ZNF420: variants seen among roughly 807,000 people sequenced by gnomAD.
The protein encoded by ZNF420 is zinc finger protein 420.
Under a neutral mutation model 44.7 loss-of-function variants are expected in ZNF420, and 31 were observed. The ratio of observed to expected loss-of-function variants is 0.69; its 90% CI spans 0.52 to 0.94. The LOEUF (loss-of-function observed/expected upper bound fraction) is 0.94, where lower values mean the gene tolerates loss of function less well. Ranked by LOEUF, ZNF420 falls within the 40% of genes least tolerant of loss-of-function variation. The pLI, the probability that ZNF420 is intolerant of heterozygous loss-of-function variation, is 0.00. For missense variants in ZNF420, 681 were observed against 827.9 expected, an observed-to-expected ratio of 0.82 and a Z score of 2.18; for synonymous variants, 245 against 267.4, an observed-to-expected ratio of 0.92 and a Z score of 0.82.
intron 4 of ZNF420, among the ~76,000 whole-genome samples, chr19:37,118,530 G>A (rs1035382269): frequency 1.4e-4 from 21 of 152,298 alleles, no homozygotes; most frequent in Non-Finnish European, 2.6e-4. Flanking sequence ...AAATTGTAAA[G>A]ACCATCAAGG....
At chr19:37,027,113 A>C (rs969840793) in intron 1 of ZNF420, among the ~76,000 whole-genome samples, 3 of 152,160 alleles carry the variant, frequency 2.0e-5, no homozygotes, top group African/African-American at 7.2e-5. Flanking sequence ...ATCCTCTTTC[A>C]TTTTATTTTT....
chr19:37,012,502 C>G (rs1395816819), intron 1 of ZNF420, among the ~76,000 whole-genome samples: 1 of 152,164 alleles, frequency 6.6e-6, no homozygotes, highest in Non-Finnish European at 1.5e-5. Context: ...CTGCGGATGC[C>G]AAGAGTGGTG....
At chr19:37,074,400 G>C (rs1353404450), upstream of ZNF420, among the ~76,000 whole-genome samples, 1 of 152,110 alleles carries the variant, frequency 6.6e-6, no homozygotes, top group Non-Finnish European at 1.5e-5. Flanking sequence ...AACAAATCCA[G>C]AATGTTAGGC....
chr19:37,128,316 C>G lies in ZNF420; in HGVS notation c.1325C>G (p.Thr442Ser). The part of the protein sequence containing the change: ...SLLTRHQRIH[T>S]GEKPYECKEC... ...CTTACACGACACCAGAGGATTCATACTGGTGAGAAACCCTATGAATGTAAA... is the reference window on the plus strand; with the variant it reads ...CTTACACGACACCAGAGGATTCATAGTGGTGAGAAACCCTATGAATGTAAA... The change falls in exon 5 of 5, where the codon ACT becomes AGT. Residue 442 changes from threonine to serine, a missense_variant. Coordinates refer to ENST00000337995, the MANE Select transcript of ZNF420 (RefSeq NM_144689.5). 1 of 1,614,020 alleles carries G rather than the reference C, an allele frequency of 6.2e-7. No individual in the cohort carries two copies. The highest frequency in any genetic ancestry group is 1.3e-5 in the African/African-American group (1 of 75,026).
Position 37,128,472 on chromosome 19 carries a change from A to G in ZNF420, c.1481A>G (p.Gln494Arg), listed in dbSNP as rs371018781. The G allele has an allele frequency of 1.2e-6, 2 of 1,614,174 alleles. No individual in the cohort carries two copies. The highest frequency in any genetic ancestry group is 1.7e-6 in the Non-Finnish European group (2 of 1,179,990). ...FIRGSQLTQH[Q>R]RIHTGEKPYE... The stretch of plus-strand genomic sequence containing the variant: ...CGTGGTTCCCAGCTTACTCAACATC[A>G]GAGAATCCATACTGGTGAGAAACCT... The change falls in exon 5 of 5, where the codon CAG (glutamine) becomes CGG (arginine). Residue 494 changes from glutamine (Q) to arginine (R), a missense_variant. Around this residue, in one of 3 missense-constraint regions of ZNF420, gnomAD observed 280 missense variants for 338.6 expected, o/e 0.83. Transcript: ENST00000337995.
chr19:37,008,109 T>C, intron 1 of ZNF420: 1 of 278,152 alleles, frequency 3.6e-6, no homozygotes. Flanking sequence ...GTCGTGCCCC[T>C]GTCAATTCGA....
At chr19:37,054,030 TTG>T (rs1967693936) in intron 1 of ZNF420, among the ~76,000 whole-genome samples, 1 of 152,210 alleles carries the variant, frequency 6.6e-6, no homozygotes, top group South Asian at 2.1e-4. Context: ...CCCAGCCGCT[TTG>T]TTCACCTACT....
intron 1 of ZNF420, among the ~76,000 whole-genome samples, chr19:37,056,421 C>A (rs1345425629): frequency 6.6e-6 from 1 of 152,130 alleles, no homozygotes; most frequent in Non-Finnish European, 1.5e-5. Flanking sequence ...ACACACTCAC[C>A]CCATCTTCTC....
At chr19:37,125,535 C>T (rs543903682) in intron 4 of ZNF420, among the ~76,000 whole-genome samples, 1 of 152,224 alleles carries the variant, frequency 6.6e-6, no homozygotes, top group African/African-American at 2.4e-5. Flanking sequence ...AGAAACAGGA[C>T]AAGGGTATTT....
chr19:37,124,839 G>GT (rs1224040391), intron 4 of ZNF420, among the ~76,000 whole-genome samples: 2 of 150,546 alleles, frequency 1.3e-5, no homozygotes, highest in Admixed American at 1.3e-4. Context: ...AGCTGATTTT[G>GT]TATTTTGTTT....
chr19:37,087,782 A>G (rs954381424), intron 2 of ZNF420, among the ~76,000 whole-genome samples: 1 of 152,130 alleles, frequency 6.6e-6, no homozygotes, highest in Admixed American at 6.5e-5. Context: ...AGTAGCTGGG[A>G]CTACAGGCGC....
chr19:37,086,589 A>G (rs1453239989), intron 2 of ZNF420, among the ~76,000 whole-genome samples: 1 of 152,172 alleles, frequency 6.6e-6, no homozygotes, highest in Admixed American at 6.5e-5. Context: ...AGATTTTACA[A>G]TTCCCAACTC....
Position 37,128,439 on chromosome 19 carries a change from C to A in ZNF420, c.1448C>A (p.Ser483Tyr). The change falls in exon 5 of 5, where the codon TCT (serine) becomes TAT (tyrosine). Residue 483 changes from serine to tyrosine, a missense_variant. Physicochemically the swap from Ser to Tyr is moderately radical, Grantham distance 144. Coordinates refer to ENST00000337995, the MANE Select transcript of ZNF420 (RefSeq NM_144689.5). Reference protein sequence around the residue: ...KPYECKECGKSFIRGSQLTQH... With the variant: ...KPYECKECGKYFIRGSQLTQH... Reference sequence around the variant, plus strand: ...TATGAATGTAAGGAATGTGGGAAATCTTTTATTCGTGGTTCCCAGCTTACT... The same window carrying A: ...TATGAATGTAAGGAATGTGGGAAATATTTTATTCGTGGTTCCCAGCTTACT... 1 of 1,614,062 alleles carries A rather than the reference C, an allele frequency of 6.2e-7. No homozygotes were observed. Among genetic ancestry groups the A allele is most frequent in the East Asian group, 2.2e-5 (1 of 44,876 alleles).
chr19:37,047,152 G>T (rs572593078), intron 1 of ZNF420, among the ~76,000 whole-genome samples: 1 of 152,268 alleles, frequency 6.6e-6, no homozygotes, highest in Non-Finnish European at 1.5e-5. Context: ...AAACAGAAAA[G>T]CAAAACAACA....
chr19:37,049,741 T>C (rs182445952), intron 1 of ZNF420, among the ~76,000 whole-genome samples: 49 of 152,352 alleles, frequency 3.2e-4, no homozygotes, highest in Admixed American at 2.9e-3. Context: ...TTTGTCAATT[T>C]TGGCTTTTGT....
intron 2 of ZNF420, among the ~76,000 whole-genome samples, chr19:37,087,952 A>G (rs1017337214): frequency 6.6e-6 from 1 of 152,066 alleles, no homozygotes; most frequent in African/African-American, 2.4e-5. Context: ...GCCGATTTCT[A>G]GCTTTTGAAG....
intron 4 of ZNF420, among the ~76,000 whole-genome samples, chr19:37,095,766 T>C (rs1230870274): frequency 1.3e-5 from 2 of 152,116 alleles, no homozygotes; most frequent in African/African-American, 4.8e-5. Context: ...GCCCAGCTTA[T>C]TTTTTAATTT....
At chr19:37,089,568 G>A (rs1356430544) in intron 3 of ZNF420, among the ~76,000 whole-genome samples, 1 of 152,190 alleles carries the variant, frequency 6.6e-6, no homozygotes, top group Non-Finnish European at 1.5e-5. Flanking sequence ...GATGATTAGG[G>A]ACTGAATACA....
intron 1 of ZNF420, among the ~76,000 whole-genome samples, chr19:37,051,492 T>C (rs1568430138): frequency 6.6e-6 from 1 of 152,236 alleles, no homozygotes; most frequent in Admixed American, 6.5e-5. Flanking sequence ...TTCTAGATTT[T>C]CAGTTTATTT....
Sources: gnomAD v4.1 joint callset for allele counts (sites outside exome capture counted in the v4.1 genomes callset) on GRCh38, gnomAD v4.1.1 for gene constraint, gnomAD v4.1.1 regional missense constraint, MANE v1.5 for transcripts, NCBI Gene and HGNC (gene_info 2026-07-23, HGNC 2026-07-21) for gene names.